NMT2: variants seen among roughly 807,000 people sequenced by gnomAD.
NMT2 encodes the protein N-myristoyltransferase 2, also known as glycylpeptide N-tetradecanoyltransferase 2.
In NMT2, 35 loss-of-function variants were observed where a neutral mutation model predicts 65.4. The ratio of observed to expected loss-of-function variants is 0.54; its 90% CI spans 0.41 to 0.71. NMT2 has a LOEUF of 0.71. NMT2 is among the 30% of genes least tolerant of loss of function. The probability of loss-of-function intolerance (pLI) is 0.00; values close to 1 mark genes in which losing one functional copy is unlikely to be tolerated. For synonymous variants in NMT2, 226 were observed against 231.8 expected (o/e 0.98, Z 0.23); for missense variants, 489 against 611.3 (o/e 0.80, Z 2.11).
intron 1 of NMT2, among the ~76,000 whole-genome samples, chr10:15,153,692 C>T (rs1424949747): frequency 6.6e-6 from 1 of 151,976 alleles, no homozygotes; most frequent in African/African-American, 2.4e-5. Flanking sequence ...GTTCTGTCGC[C>T]CAGGCTGGAG....
chr10:15,160,445 T>A (rs1390407617), intron 1 of NMT2, among the ~76,000 whole-genome samples: 1 of 151,840 alleles, frequency 6.6e-6, no homozygotes, highest in Non-Finnish European at 1.5e-5. Flanking sequence ...GAAACCCCCA[T>A]GAACATGTAT....
chr10:15,168,239 C>T (rs887055695), intron 1 of NMT2: 2 of 350,208 alleles, frequency 5.7e-6, no homozygotes, highest in East Asian at 5.1e-5. Context: ...CGAGGCTGGC[C>T]GGGGGCGCGC....
intron 8 of NMT2, among the ~76,000 whole-genome samples, chr10:15,122,947 G>T (rs1845971794): frequency 6.7e-6 from 1 of 148,988 alleles, no homozygotes; most frequent in South Asian, 2.1e-4. Flanking sequence ...AAAAAAAAAT[G>T]ACTGCATAGA....
chr10:15,141,956 G>C (rs945978364), intron 1 of NMT2, among the ~76,000 whole-genome samples: 4 of 152,184 alleles, frequency 2.6e-5, no homozygotes, highest in Non-Finnish European at 5.9e-5. Flanking sequence ...CACTAATCTT[G>C]AAGCAACAGA....
Position 15,133,031 on chromosome 10 carries a change from A to G in NMT2, c.602+22T>C. 1.9e-6 allele frequency: 3 copies of G among 1,607,550 alleles called. No individual in the cohort carries two copies. The South Asian group carries it at 3.3e-5, about 18-fold the overall frequency. On this transcript the variant is annotated intron_variant, in intron 5 of 11. Coordinates refer to ENST00000378165, the MANE Select transcript of NMT2 (RefSeq NM_004808.3). ...CAAGTCAGCAGCGCCTATCCACGACATCTGTGATCGATGAGACTTACCACA... is the reference window on the plus strand; with the variant it reads ...CAAGTCAGCAGCGCCTATCCACGACGTCTGTGATCGATGAGACTTACCACA...
At chr10:15,121,376 G>GT (rs113406461) in intron 8 of NMT2, among the ~76,000 whole-genome samples, 124 of 151,984 alleles carry the variant, frequency 8.2e-4, no homozygotes, top group African/African-American at 2.9e-3. Context: ...GAAAACAGGT[G>GT]TTTTTTTTGA....
chr10:15,154,718 C>T (rs768675688), intron 1 of NMT2: 37 of 535,936 alleles, frequency 6.9e-5, no homozygotes, highest in South Asian at 3.9e-4. Flanking sequence ...TAGGATACTG[C>T]GAGCAAATGG....
chr10:15,161,980 C>T (rs1255001630), intron 1 of NMT2, among the ~76,000 whole-genome samples: 4 of 152,052 alleles, frequency 2.6e-5, no homozygotes, highest in Non-Finnish European at 5.9e-5. Flanking sequence ...TCGCCGGGCA[C>T]GGTGGCTCAC....
chr10:15,154,157 G>C (rs1305017255), intron 1 of NMT2, among the ~76,000 whole-genome samples: 2 of 152,230 alleles, frequency 1.3e-5, no homozygotes, highest in African/African-American at 4.8e-5. Context: ...GCTTGGTGCA[G>C]GTGCTGTGGG....
intron 1 of NMT2, among the ~76,000 whole-genome samples, chr10:15,153,613 G>A (rs1292602280): frequency 6.6e-6 from 1 of 152,160 alleles, no homozygotes; most frequent in Non-Finnish European, 1.5e-5. Flanking sequence ...ATGTCTCTAA[G>A]GCCAAAGCTA....
In NMT2 at chr10:15,112,780, G is replaced by A. The variant is rs1845606098; in HGVS notation, c.1338+16C>T. The A allele has an allele frequency of 6.2e-7, 1 of 1,602,326 alleles. No individual in the cohort carries two copies. The highest frequency in any genetic ancestry group is 1.7e-4 in the Middle Eastern group (1 of 5,968). On this transcript the variant is annotated intron_variant, in intron 10 of 11. Transcript: ENST00000378165. ...TTTGGAGAACCAAACGGCGTGAACA[G>A]GAAGGAGTGGCTTACCGATTTAGCC...
rs78195479 is a variant in NMT2 at position 15,153,432 on chromosome 10, C to T, written c.111-11875G>A. ...CCCATCCTTGCCACCACTGGAAGGA[C>T]ACACCAAGAGTCCACAACAGGAGCT... On this transcript the variant is annotated intron_variant, in intron 1 of 11. Transcript: ENST00000378165. Among the ~76,000 whole-genome samples, 1,068 of 152,350 alleles carry T rather than the reference C, an allele frequency of 7.0e-3. 15 individuals carry two copies. Among genetic ancestry groups the T allele is most frequent in the African/African-American group, 0.024 (1,010 of 41,578 alleles).
At chr10:15,115,849 A>C (rs1845725932) in intron 9 of NMT2, among the ~76,000 whole-genome samples, 1 of 152,246 alleles carries the variant, frequency 6.6e-6, no homozygotes, top group African/African-American at 2.4e-5. Flanking sequence ...GAGGTATTAC[A>C]TTATGATAAA....
In NMT2 at chr10:15,108,229, C is replaced by T; in HGVS notation, c.*966G>A. ...GAGACGGAGTCTCACGCTCTGTCAC[C>T]CAGGCTGGAGTGCAGTGGCTCGATC... On this transcript the variant is annotated 3_prime_UTR_variant, in exon 12 of 12. Coordinates refer to ENST00000378165, the MANE Select transcript of NMT2 (RefSeq NM_004808.3). 1.0e-6 allele frequency: 1 copy of T among 976,118 alleles called. No individual in the cohort carries two copies. The highest frequency in any genetic ancestry group is 1.2e-6 in the Non-Finnish European group (1 of 822,090). The allele number at this position is 976,118 out of a possible 1,614,324, so 60.5% of individuals were successfully genotyped here.
At chr10:15,134,778 C>T (rs1168059729) in intron 3 of NMT2, among the ~76,000 whole-genome samples, 1 of 151,920 alleles carries the variant, frequency 6.6e-6, no homozygotes, top group Admixed American at 6.6e-5. Flanking sequence ...CCCAGGAGTT[C>T]GAGACCAGCC....
In NMT2 at chr10:15,108,685, C is replaced by G; in HGVS notation, c.*510G>C. 1.0e-6 allele frequency: 1 copy of G among 993,074 alleles called. No individual in the cohort carries two copies. The highest frequency in any genetic ancestry group is 1.2e-6 in the Non-Finnish European group (1 of 835,602). 61.5% of individuals were successfully genotyped at this position (993,074 alleles called of 1,614,324 possible). A position where few individuals can be genotyped will look rare whatever the true frequency, so the allele number is the denominator to read the frequency against. On this transcript the variant is annotated 3_prime_UTR_variant, in exon 12 of 12. Transcript: ENST00000378165. ...ACAACCACCACCTGTCACTGAGCTA[C>G]AGAAGTGTTGATTCCATAAATGTTC...
intron 9 of NMT2, among the ~76,000 whole-genome samples, chr10:15,113,339 G>A (rs184534672): frequency 2.4e-4 from 36 of 151,466 alleles, no homozygotes; most frequent in East Asian, 9.8e-4. Flanking sequence ...GTGTGGTGGC[G>A]CACACCTGTA....
At chr10:15,155,251 G>T (rs770321701) in intron 1 of NMT2, 2 of 1,487,296 alleles carry the variant, frequency 1.3e-6, no homozygotes, top group Admixed American at 3.4e-5. Context: ...TCTGCAAACA[G>T]TTCGAAGGAG....
Position 15,133,264 on chromosome 10 carries a change from T to A in NMT2, c.491A>T (p.Asp164Val), listed in dbSNP as rs1331333002. Residue 164 changes from aspartate (D) to valine (V), a missense_variant, in exon 4 of 12, where the codon GAC (aspartate) becomes GTC (valine). Physicochemically the swap from Asp to Val is radical, Grantham distance 152. Transcript: ENST00000378165. ...LPQGFMWDTLDLSDAEVLKEL... is the reference protein window; with the variant it reads ...LPQGFMWDTLVLSDAEVLKEL... ...ACTCACCACTTCGGCATCACTCAAG[T>A]CTAAAGTGTCCCACATAAAACCCTG... 6.2e-7 allele frequency: 1 copy of A among 1,614,090 alleles called. No individual in the cohort carries two copies. The highest frequency in any genetic ancestry group is 1.7e-5 in the Admixed American group (1 of 60,014).
Sources: allele counts gnomAD v4.1 joint callset (sites outside exome capture counted in the v4.1 genomes callset), GRCh38; gene constraint gnomAD v4.1.1; transcripts MANE v1.5; gene names NCBI Gene and HGNC (gene_info 2026-07-23, HGNC 2026-07-21).